Variants in EAF2 observed in about 807,000 individuals in gnomAD.
EAF2 encodes ELL-associated factor 2.
In EAF2, 29 loss-of-function variants were observed where a neutral mutation model predicts 29.4. The ratio of observed to expected loss-of-function variants is 0.99; its 90% CI spans 0.73 to 1.35. The LOEUF (loss-of-function observed/expected upper bound fraction) is 1.35, where lower values mean the gene tolerates loss of function less well. EAF2 is among the 40% of genes most tolerant of loss of function. The probability of loss-of-function intolerance (pLI) is 0.00; values close to 1 mark genes in which losing one functional copy is unlikely to be tolerated. For synonymous variants in EAF2, 103 were observed against 102.5 expected (o/e 1.00, Z -0.03); for missense variants, 292 against 312.0 (o/e 0.94, Z 0.48).
intron 4 of EAF2, 55 bp from the exon 5 acceptor site, chr3:121,872,482 T>C: frequency 7.5e-7 from 1 of 1,326,426 alleles, no homozygotes; most frequent in South Asian, 1.6e-5. Flanking sequence ...ATTTTTATTA[T>C]ATTTATTTAG....
intron 4 of EAF2, among the ~76,000 whole-genome samples, chr3:121,858,602 T>C (rs1430304240): frequency 6.6e-6 from 1 of 152,236 alleles, no homozygotes; most frequent in Non-Finnish European, 1.5e-5. Context: ...GCAAAAATTT[T>C]CTCCCATTCT....
chr3:121,880,577 T>G (rs1156793779), intron 5 of EAF2, among the ~76,000 whole-genome samples: 1 of 152,136 alleles, frequency 6.6e-6, no homozygotes, highest in Non-Finnish European at 1.5e-5. Flanking sequence ...TGTTGATTTT[T>G]GTATCTTGCA....
Position 121,841,524 on chromosome 3 carries a change from AAAAAAAAAAAAAAAAAAAAG to A in EAF2, c.107-2925_107-2906del, listed in dbSNP as rs1421797670. 9.6e-3 allele frequency among the ~76,000 whole-genome samples: 310 copies of A among 32,134 alleles called. 9 individuals carry two copies. Among genetic ancestry groups the A allele is most frequent in the African/African-American group, 0.039 (285 of 7,346 alleles). 21.1% of individuals were successfully genotyped at this position (32,134 alleles called of 152,430 possible). A position where few individuals can be genotyped will look rare whatever the true frequency, so the allele number is the denominator to read the frequency against. On this transcript the variant is annotated intron_variant, in intron 1 of 5. Transcript: ENST00000273668. ...TGTCTCAAAAAAAAAAAAAAAAAAA[AAAAAAAAAAAAAAAAAAAAG>A]AAAGAAAGAAAGAAAAAAGATAGAA...
chr3:121,877,296 A>G (rs1709116810), intron 5 of EAF2, among the ~76,000 whole-genome samples: 1 of 151,854 alleles, frequency 6.6e-6, no homozygotes, highest in African/African-American at 2.4e-5. Context: ...GATTTTATGA[A>G]TCTGTAATCA....
At chr3:121,843,199 T>G (rs1020630527) in intron 1 of EAF2, among the ~76,000 whole-genome samples, 1 of 152,212 alleles carries the variant, frequency 6.6e-6, no homozygotes, top group Non-Finnish European at 1.5e-5. Context: ...GCATGGTGCC[T>G]GGCATGTAGT....
rs1357311460 is a variant in EAF2 at position 121,842,012 on chromosome 3, AAAAAAAAT to A, written c.107-2424_107-2417del. On this transcript the variant is annotated intron_variant, in intron 1 of 5. Transcript: ENST00000273668. ...CAGAGAGACTCCGTCTCAAAAATAA[AAAAAAAAT>A]AAAAAAATAAAAAAATTTCCGGGTG... is the stretch of plus-strand genomic sequence containing the variant. Among the ~76,000 whole-genome samples, 14 of 151,564 alleles carry A rather than the reference AAAAAAAAT, an allele frequency of 9.2e-5. No homozygotes were observed. The East Asian group carries it at 2.1e-3, about 23-fold the overall frequency.
At chr3:121,876,985 C>G (rs1709109131) in intron 5 of EAF2, among the ~76,000 whole-genome samples, 1 of 150,882 alleles carries the variant, frequency 6.6e-6, no homozygotes, top group African/African-American at 2.4e-5. Context: ...AACAAATTGT[C>G]TAAAAACCAT....
chr3:121,885,275 A>G (rs1159644223), intron 5 of EAF2, among the ~76,000 whole-genome samples: 1 of 152,200 alleles, frequency 6.6e-6, no homozygotes, highest in Non-Finnish European at 1.5e-5. Flanking sequence ...TTCAAAGTAC[A>G]TTATGAATCT....
chr3:121,842,185 A>G (rs1285455643), intron 1 of EAF2, among the ~76,000 whole-genome samples: 1 of 152,134 alleles, frequency 6.6e-6, no homozygotes, highest in Admixed American at 6.5e-5. Context: ...CCCTGTCTCA[A>G]AAAATAATAA....
intron 1 of EAF2, among the ~76,000 whole-genome samples, chr3:121,839,901 G>C (rs1708378000): frequency 6.6e-6 from 1 of 152,096 alleles, no homozygotes; most frequent in Non-Finnish European, 1.5e-5. Context: ...TCCACGAAAA[G>C]GTAAATAATA....
At chr3:121,851,738 TG>T (rs148341042) in intron 2 of EAF2, among the ~76,000 whole-genome samples, 16,853 of 152,120 alleles carry the variant, frequency 0.11, 1,002 homozygotes, top group South Asian at 0.16. Context: ...GCTCACAGAA[TG>T]GGGAACAAAA....
chr3:121,872,798 C>T lies in EAF2; in HGVS notation c.736+10C>T, dbSNP rs374227834. ...CTGATGAATACTTTAAGTAAGTATA[C>T]ATAAACACAGGCAATTGGAAAAGTA... On this transcript the variant is annotated intron_variant, in intron 5 of 5. Transcript: ENST00000273668. 3 of 1,597,908 alleles carry T rather than the reference C, an allele frequency of 1.9e-6. No homozygotes were observed. The highest frequency in any genetic ancestry group is 1.7e-6 in the Non-Finnish European group (2 of 1,172,034).
intron 4 of EAF2, among the ~76,000 whole-genome samples, chr3:121,871,090 A>C (rs1217005000): frequency 6.6e-6 from 1 of 151,996 alleles, no homozygotes; most frequent in Non-Finnish European, 1.5e-5. Context: ...TTTCATAACA[A>C]CTTTATTAAT....
chr3:121,837,653 T>C (rs998733580), intron 1 of EAF2: 6 of 152,154 alleles, frequency 3.9e-5, no homozygotes, highest in African/African-American at 1.4e-4. Context: ...AGAGAATAAA[T>C]AGTAGTCACC....
At chr3:121,873,429 A>G (rs1576655180) in intron 5 of EAF2, among the ~76,000 whole-genome samples, 2 of 151,772 alleles carry the variant, frequency 1.3e-5, no homozygotes, top group East Asian at 3.9e-4. Context: ...TATATTTCTC[A>G]AAGTCATCTG....
chr3:121,841,527 A>G (rs1013981911), intron 1 of EAF2, among the ~76,000 whole-genome samples: 29 of 30,790 alleles, frequency 9.4e-4, no homozygotes, highest in African/African-American at 1.5e-3. Flanking sequence ...AAAAAAAAAA[A>G]AAAAAAAAAA....
intron 4 of EAF2, among the ~76,000 whole-genome samples, chr3:121,869,453 A>G (rs1373155501): frequency 2.0e-5 from 3 of 152,210 alleles, no homozygotes; most frequent in African/African-American, 7.2e-5. Flanking sequence ...ATAAACTTCT[A>G]GTAAGATTGA....
chr3:121,856,090 T>C (rs991113370), intron 3 of EAF2, among the ~76,000 whole-genome samples: 2 of 152,174 alleles, frequency 1.3e-5, no homozygotes, highest in African/African-American at 4.8e-5. Context: ...AAATCAAGCA[T>C]ACTTTTATTA....
intron 5 of EAF2, among the ~76,000 whole-genome samples, chr3:121,875,980 A>C (rs560040602): frequency 1.6e-4 from 24 of 152,140 alleles, no homozygotes; most frequent in Non-Finnish European, 3.1e-4. Context: ...ATTACACAAT[A>C]GGAAGTCCAA....
Sources: gnomAD v4.1 joint callset for allele counts (sites outside exome capture counted in the v4.1 genomes callset) on GRCh38, gnomAD v4.1.1 for gene constraint, MANE v1.5 for transcripts, NCBI Gene and HGNC (gene_info 2026-07-23, HGNC 2026-07-21) for gene names.